CCSER1: variants seen among roughly 807,000 people sequenced by gnomAD.
CCSER1 encodes coiled-coil serine rich protein 1.
Under a neutral mutation model 82.0 loss-of-function variants are expected in CCSER1, and 41 were observed. That is an observed-to-expected ratio of 0.50 (90% confidence interval 0.39 to 0.65). The LOEUF (loss-of-function observed/expected upper bound fraction) is 0.65. CCSER1 is among the 30% of genes least tolerant of loss of function. CCSER1 has a pLI of 0.00. For synonymous variants in CCSER1, 414 were observed against 383.9 expected, an observed-to-expected ratio of 1.08 and a Z score of -0.92; for missense variants, 1,119 against 1,064.2, an observed-to-expected ratio of 1.05 and a Z score of -0.72.
intron 5 of CCSER1, among the ~76,000 whole-genome samples, chr4:90,499,803 C>T (rs746492430): frequency 3.2e-4 from 48 of 151,972 alleles, no homozygotes; most frequent in Non-Finnish European, 6.5e-4. Flanking sequence ...TTTAGGGCAC[C>T]CTCTAAAAGA....
chr4:91,151,340 T>G (rs1409462586), intron 10 of CCSER1, among the ~76,000 whole-genome samples: 1 of 152,150 alleles, frequency 6.6e-6, no homozygotes, highest in Non-Finnish European at 1.5e-5. Context: ...TTTTATTGCA[T>G]CTATTTTGTT....
At chr4:90,479,024 C>A (rs375521184) in intron 5 of CCSER1, among the ~76,000 whole-genome samples, 2 of 152,028 alleles carry the variant, frequency 1.3e-5, no homozygotes, top group East Asian at 1.9e-4. Flanking sequence ...CAGGTGTGAG[C>A]CCCCACGCGG....
chr4:91,028,524 GT>G (rs879333553), intron 9 of CCSER1, among the ~76,000 whole-genome samples: 11 of 151,974 alleles, frequency 7.2e-5, no homozygotes, highest in African/African-American at 2.2e-4. Context: ...TTTATTATCT[GT>G]GGACATTGAT....
intron 10 of CCSER1, among the ~76,000 whole-genome samples, chr4:91,398,582 C>T (rs573968393): frequency 1.3e-5 from 2 of 151,724 alleles, no homozygotes; most frequent in South Asian, 4.2e-4. Flanking sequence ...TTGGGGTATT[C>T]GTATTCATTA....
intron 5 of CCSER1, among the ~76,000 whole-genome samples, chr4:90,565,397 T>C (rs1367092957): frequency 2.6e-5 from 4 of 152,204 alleles, no homozygotes; most frequent in African/African-American, 9.6e-5. Flanking sequence ...TTATTAATAG[T>C]TCTAACCATA....
chr4:90,897,739 A>G (rs1055319529), intron 8 of CCSER1, among the ~76,000 whole-genome samples: 2 of 152,246 alleles, frequency 1.3e-5, no homozygotes, highest in East Asian at 1.9e-4. Context: ...TACATTGTCC[A>G]TGAACAGTAT....
chr4:91,435,187 C>G (rs1754575490), intron 10 of CCSER1, among the ~76,000 whole-genome samples: 1 of 152,114 alleles, frequency 6.6e-6, no homozygotes, highest in African/African-American at 2.4e-5. Context: ...GCCTGTGATC[C>G]CAAGCACTTT....
At chr4:90,462,549 C>T (rs1232839564) in intron 4 of CCSER1, among the ~76,000 whole-genome samples, 1 of 152,114 alleles carries the variant, frequency 6.6e-6, no homozygotes, top group Non-Finnish European at 1.5e-5. Context: ...GGCTTGTAGC[C>T]TAGCCAAGTT....
chr4:90,975,573 C>T (rs936113936), intron 9 of CCSER1, among the ~76,000 whole-genome samples: 1 of 151,168 alleles, frequency 6.6e-6, no homozygotes, highest in African/African-American at 2.4e-5. Context: ...CTGTCAAACA[C>T]GGAAACAGAG....
intron 10 of CCSER1, among the ~76,000 whole-genome samples, chr4:91,163,248 A>T (rs978293229): frequency 2.6e-5 from 4 of 152,194 alleles, no homozygotes; most frequent in African/African-American, 9.6e-5. Context: ...GTTTTGAGTG[A>T]GTTTCTTAAT....
At chr4:91,056,823 T>G (rs937977449) in intron 9 of CCSER1, among the ~76,000 whole-genome samples, 4 of 152,178 alleles carry the variant, frequency 2.6e-5, no homozygotes, top group African/African-American at 9.6e-5. Flanking sequence ...TTAGATTTCT[T>G]CCAAGCCTGT....
chr4:90,899,947 T>C (rs1162244856), intron 8 of CCSER1, among the ~76,000 whole-genome samples: 1 of 151,962 alleles, frequency 6.6e-6, no homozygotes, highest in Non-Finnish European at 1.5e-5. Flanking sequence ...CGTATCAAGG[T>C]GATACTCGTT....
chr4:91,260,758 A>AT (rs200173043), intron 10 of CCSER1, among the ~76,000 whole-genome samples: 75 of 149,910 alleles, frequency 5.0e-4, no homozygotes, highest in East Asian at 1.8e-3. Flanking sequence ...TTATTTATTT[A>AT]TTTATTTTTT....
intron 5 of CCSER1, among the ~76,000 whole-genome samples, chr4:90,618,703 G>T (rs1202454626): frequency 6.6e-6 from 1 of 151,876 alleles, no homozygotes; most frequent in Non-Finnish European, 1.5e-5. Context: ...TAGGTAACAA[G>T]TGGCATTTAA....
intron 9 of CCSER1, among the ~76,000 whole-genome samples, chr4:90,937,050 C>T (rs1234366736): frequency 6.6e-6 from 1 of 151,928 alleles, no homozygotes; most frequent in East Asian, 1.9e-4. Context: ...TCTTCATAAA[C>T]CTCATATTCT....
rs1272528525 is a variant in CCSER1 at position 90,243,546 on chromosome 4, C to T, written c.-41-64698C>T. ...ACAGGTGTGAGCCACTGCTCCCGGC[C>T]ATGTTTTTATTTTTTATTTTGGGGA... On this transcript the variant is annotated intron_variant, in intron 1 of 10. Transcript: ENST00000509176. 2.0e-5 allele frequency among the ~76,000 whole-genome samples: 3 copies of T among 151,418 alleles called. No individual in the cohort carries two copies. The East Asian group carries it at 5.8e-4, about 29-fold the overall frequency.
intron 6 of CCSER1, among the ~76,000 whole-genome samples, chr4:90,665,936 C>T (rs1167407885): frequency 6.6e-6 from 1 of 152,084 alleles, no homozygotes; most frequent in Admixed American, 6.5e-5. Context: ...TTTCCATGCT[C>T]ATTCAGGTTG....
At position 90,447,336 on chromosome 4, in the gene CCSER1, T is replaced by TG. The variant is rs1209317004; in HGVS notation, c.1604-20894dup. On this transcript the variant is annotated intron_variant, in intron 4 of 10. Transcript: ENST00000509176. ...AGAGAAAATTTACTTGTGGTCTTCC[T>TG]GGGGAAAAAAAAAAAAGAATGAAAT... Among the ~76,000 whole-genome samples, 45 of 150,630 alleles carry TG rather than the reference T, an allele frequency of 3.0e-4. No homozygotes were observed. The East Asian group carries it at 4.3e-3, about 14-fold the overall frequency.
chr4:90,465,715 G>A (rs373745923), intron 4 of CCSER1, among the ~76,000 whole-genome samples: 24 of 152,308 alleles, frequency 1.6e-4, no homozygotes, highest in African/African-American at 5.5e-4. Context: ...TTTGAAAGAA[G>A]TGATGTGTGT....
Sources: gnomAD v4.1 joint callset for allele counts (sites outside exome capture counted in the v4.1 genomes callset) on GRCh38, gnomAD v4.1.1 for gene constraint, MANE v1.5 for transcripts, NCBI Gene and HGNC (gene_info 2026-07-23, HGNC 2026-07-21) for gene names.